CAPN9: variants seen among roughly 807,000 people sequenced by gnomAD.
CAPN9 encodes the protein calpain 9.
In CAPN9, 81 loss-of-function variants were observed where a neutral mutation model predicts 92.8. The ratio of observed to expected loss-of-function variants is 0.87; its 90% CI spans 0.73 to 1.05. The LOEUF (loss-of-function observed/expected upper bound fraction) is 1.05, where lower values mean the gene tolerates loss of function less well. Ranked by LOEUF, CAPN9 falls within the 50% of genes least tolerant of loss-of-function variation. The pLI, the probability that CAPN9 is intolerant of heterozygous loss-of-function variation, is 0.00. For missense variants in CAPN9, 848 were observed against 866.2 expected (o/e 0.98, Z 0.26); for synonymous variants, 304 against 328.0 (o/e 0.93, Z 0.79).
At chr1:230,759,658 T>A in intron 3 of CAPN9, 28 bp downstream of exon 3, 1 of 1,499,776 alleles carries the variant, frequency 6.7e-7, no homozygotes, top group Non-Finnish European at 9.1e-7. Flanking sequence ...GCCAGTGGGT[T>A]TACCTCTCTG....
At chr1:230,783,099 A>C (rs1667339006) in intron 11 of CAPN9, among the ~76,000 whole-genome samples, 1 of 152,212 alleles carries the variant, frequency 6.6e-6, no homozygotes, top group African/African-American at 2.4e-5. Context: ...ACCACTCAAT[A>C]GGCTGAATGG....
chr1:230,775,702 G>A (rs1394058515), intron 8 of CAPN9, among the ~76,000 whole-genome samples: 1 of 152,114 alleles, frequency 6.6e-6, no homozygotes. Context: ...TGGATCACGA[G>A]GTCAGGAGAT....
chr1:230,786,925 G>A (rs376725143), intron 12 of CAPN9, among the ~76,000 whole-genome samples: 3 of 151,884 alleles, frequency 2.0e-5, no homozygotes, highest in Non-Finnish European at 2.9e-5. Context: ...TGGAGGACTC[G>A]CAAGAGGCCC....
At chr1:230,789,159 C>T (rs12082061) in intron 13 of CAPN9, among the ~76,000 whole-genome samples, 44,089 of 151,824 alleles carry the variant, frequency 0.29, 6,939 homozygotes, top group African/African-American at 0.42. Flanking sequence ...GCATAACACA[C>T]GGCTAGCGCA....
At position 230,792,555 on chromosome 1, in the gene CAPN9, A is replaced by G. The variant is rs916889315; in HGVS notation, c.1791+61A>G. The G allele has an allele frequency of 5.3e-6, 7 of 1,332,568 alleles. No individual in the cohort carries two copies. The South Asian group carries it at 7.0e-5, about 13-fold the overall frequency. The allele number at this position is 1,332,568 out of a possible 1,614,324, so 82.5% of individuals were successfully genotyped here. A position where few individuals can be genotyped will look rare whatever the true frequency, so the allele number is the denominator to read the frequency against. ...ACCCAGTGAACCTAGAGCAGAGGGG[A>G]TTTAAAATGGTGCAGCAGGCTGCAG... On this transcript the variant is annotated intron_variant, in intron 16 of 19. Transcript: ENST00000271971.
chr1:230,767,752 C>T (rs1447315971), intron 5 of CAPN9, 43 bp downstream of exon 5: 8 of 1,573,648 alleles, frequency 5.1e-6, no homozygotes, highest in Non-Finnish European at 6.9e-6. Flanking sequence ...TATGCTGGGG[C>T]TGCATAGTGC....
intron 10 of CAPN9, 26 bp from the exon 11 acceptor site, chr1:230,780,474 A>T (rs762170974): frequency 6.2e-7 from 1 of 1,609,220 alleles, no homozygotes; most frequent in Non-Finnish European, 8.5e-7. Context: ...TCCCTAGGAA[A>T]CCCCTCCCTT....
intron 12 of CAPN9, among the ~76,000 whole-genome samples, chr1:230,786,658 G>A (rs1013584319): frequency 6.6e-6 from 1 of 152,168 alleles, no homozygotes; most frequent in African/African-American, 2.4e-5. Flanking sequence ...AGCTCTATTT[G>A]TCAGGGTTTT....
At chr1:230,759,211 A>G (rs1461061286) in intron 2 of CAPN9, among the ~76,000 whole-genome samples, 2 of 152,182 alleles carry the variant, frequency 1.3e-5, no homozygotes, top group African/African-American at 2.4e-5. Flanking sequence ...TCCTCTGGAA[A>G]GGGAGTTGCT....
At chr1:230,773,055 G>T (rs1376546914) in intron 7 of CAPN9, among the ~76,000 whole-genome samples, 2 of 152,100 alleles carry the variant, frequency 1.3e-5, no homozygotes, top group Non-Finnish European at 2.9e-5. Context: ...TCTGAAGCTA[G>T]TCTAGAACTT....
chr1:230,760,573 C>T (rs1441664624), intron 3 of CAPN9, among the ~76,000 whole-genome samples: 2 of 152,230 alleles, frequency 1.3e-5, no homozygotes, highest in East Asian at 3.8e-4. Context: ...AGAGAGTGAG[C>T]AGGTCACATG....
rs140602848 is a variant in CAPN9, at chr1:230,792,862, C to T, written c.1804C>T (p.Arg602Trp). 3.0e-4 allele frequency: 478 copies of T among 1,613,914 alleles called. No individual in the cohort carries two copies. Among genetic ancestry groups the T allele is most frequent in the Middle Eastern group, 2.0e-3 (12 of 6,060 alleles). ...KLKQWINLFL[R>W]FDADKSGTMS... ...CTCCACCCTTTAGAACCTTTTCCTT[C>T]GGTTTGATGCTGACAAGTCCGGCAC... The change falls in exon 17 of 20, where the codon CGG (arginine) becomes TGG (tryptophan). Residue 602 changes from arginine to tryptophan, a missense_variant. Transcript: ENST00000271971.
At chr1:230,787,451 C>A in intron 12 of CAPN9, 71 bp from the exon 13 acceptor site, 1 of 1,386,510 alleles carries the variant, frequency 7.2e-7, no homozygotes, top group Admixed American at 1.8e-5. Context: ...CTCCTGGCTT[C>A]TTTCCTGCTA....
chr1:230,747,686 C>T lies in CAPN9; in HGVS notation c.190C>T (p.Pro64Ser), dbSNP rs1244106920. Residue 64 changes from proline (P) to serine (S), a missense_variant, in exon 1 of 20, where the codon CCC becomes TCC. Physicochemically the swap from Pro to Ser is moderately conservative, Grantham distance 74 (BLOSUM62 -1). Coordinates refer to ENST00000271971, the MANE Select transcript of CAPN9 (RefSeq NM_006615.3). ...GTTCTACAGTGAGAGGCCGCAGATC[C>T]CCTTTGTGTGGAAACGACCAGGGGT... ...SLFYSERPQI[P>S]FVWKRPGEIV... The T allele has an allele frequency of 7.4e-6, 12 of 1,614,068 alleles. No individual in the cohort carries two copies. In the East Asian group the frequency reaches 2.7e-4, roughly 36 times the overall value.
At chr1:230,774,497 G>A in intron 7 of CAPN9, 57 bp from the exon 8 acceptor site, 1 of 1,126,800 alleles carries the variant, frequency 8.9e-7, no homozygotes, top group Admixed American at 1.7e-5. Context: ...CCACATCAAG[G>A]CCATTGTTGC....
chr1:230,799,503 G>T (rs1347631771), intron 19 of CAPN9, among the ~76,000 whole-genome samples: 1 of 152,192 alleles, frequency 6.6e-6, no homozygotes, highest in Non-Finnish European at 1.5e-5. Context: ...GCCAAATGGG[G>T]ATACTATTGG....
chr1:230,747,657 C>T lies in CAPN9; in HGVS notation c.161C>T (p.Ser54Phe), dbSNP rs1185879370. ...EDADFPASNS[S>F]LFYSERPQIP... The stretch of plus-strand genomic sequence containing the variant: ...GCAGACTTCCCAGCCAGCAATTCCT[C>T]CCTGTTCTACAGTGAGAGGCCGCAG... Residue 54 changes from serine (S) to phenylalanine (F), a missense_variant, in exon 1 of 20, where the codon TCC (serine) becomes TTC (phenylalanine). Physicochemically the swap from Ser to Phe is radical, Grantham distance 155. Coordinates refer to ENST00000271971, the MANE Select transcript of CAPN9 (RefSeq NM_006615.3). The T allele has an allele frequency of 3.1e-6, 5 of 1,614,180 alleles. No homozygotes were observed. The highest frequency in any genetic ancestry group is 3.4e-6 in the Non-Finnish European group (4 of 1,180,024).
At chr1:230,748,140 C>T (rs988773998) in intron 1 of CAPN9, among the ~76,000 whole-genome samples, 3 of 152,182 alleles carry the variant, frequency 2.0e-5, no homozygotes, top group Admixed American at 1.3e-4. Flanking sequence ...GGATGTTTGG[C>T]TCAGCAAGGT....
intron 19 of CAPN9, 42 bp downstream of exon 19, chr1:230,798,262 G>T (rs749946406): frequency 3.0e-6 from 4 of 1,337,122 alleles, no homozygotes; most frequent in African/African-American, 1.4e-5. Flanking sequence ...CCCAGCTGGG[G>T]CCCAGCAGAG....
Sources: gnomAD v4.1 joint callset for allele counts (sites outside exome capture counted in the v4.1 genomes callset) on GRCh38, gnomAD v4.1.1 for gene constraint, MANE v1.5 for transcripts, NCBI Gene and HGNC (gene_info 2026-07-23, HGNC 2026-07-21) for gene names.